The following TBC1D5 variants were observed in gnomAD, a reference collection of about 807,000 sequenced individuals.
TBC1D5 encodes TBC1 domain family, member 5.
In TBC1D5, 75 loss-of-function variants were observed where a neutral mutation model predicts 100.3. The observed-to-expected ratio is 0.75, with a 90% CI of 0.62 to 0.91. The LOEUF (loss-of-function observed/expected upper bound fraction) is 0.91. Ranked by LOEUF, TBC1D5 falls within the 40% of genes least tolerant of loss-of-function variation. The probability of loss-of-function intolerance (pLI) is 0.00; values close to 1 mark genes in which losing one functional copy is unlikely to be tolerated. For synonymous variants in TBC1D5, 323 were observed against 325.6 expected (o/e 0.99, Z 0.09); for missense variants, 910 against 942.4 (o/e 0.97, Z 0.45).
chr3:17,456,231 T>C (rs1175406771), intron 3 of TBC1D5, among the ~76,000 whole-genome samples: 1 of 152,156 alleles, frequency 6.6e-6, no homozygotes, highest in East Asian at 1.9e-4. Context: ...TCCAGGACAT[T>C]GGTCTGGGCA....
At chr3:17,601,349 A>G (rs2060927207) in intron 2 of TBC1D5, among the ~76,000 whole-genome samples, 1 of 152,040 alleles carries the variant, frequency 6.6e-6, no homozygotes, top group Non-Finnish European at 1.5e-5. Context: ...CGTCTCTACT[A>G]AAAAATACAA....
rs1230506604 is a variant in TBC1D5 at position 17,704,510 on chromosome 3, G to A, written c.-101+34833C>T. On this transcript the variant is annotated intron_variant, in intron 1 of 21. Coordinates refer to ENST00000253692, the Ensembl canonical transcript of TBC1D5. Reference sequence around the variant, plus strand: ...CCAGTAGGGGCGGCCGGGCAGAGGCGCCCCTCACCTCCCGGACGGGGCGGC... The same window carrying A: ...CCAGTAGGGGCGGCCGGGCAGAGGCACCCCTCACCTCCCGGACGGGGCGGC... 2.9e-3 allele frequency among the ~76,000 whole-genome samples: 322 copies of A among 110,668 alleles called. 2 individuals are homozygous for A. Among genetic ancestry groups the A allele is most frequent in the African/African-American group, 0.01 (311 of 30,520 alleles). The allele number at this position is 110,668 out of a possible 152,430, so 72.6% of individuals were successfully genotyped here.
chr3:17,703,155 C>A (rs1380852024), intron 1 of TBC1D5, among the ~76,000 whole-genome samples: 2 of 151,996 alleles, frequency 1.3e-5, no homozygotes, highest in Non-Finnish European at 2.9e-5. Context: ...GTTGCCCACA[C>A]CAAATTTAAC....
intron 2 of TBC1D5, among the ~76,000 whole-genome samples, chr3:17,592,714 T>A (rs2060309532): frequency 6.6e-6 from 1 of 152,202 alleles, no homozygotes; most frequent in South Asian, 2.1e-4. Flanking sequence ...ACCCAGCAGA[T>A]CCAGTGGTCC....
chr3:17,676,562 A>T (rs914298095), intron 1 of TBC1D5, among the ~76,000 whole-genome samples: 3 of 152,222 alleles, frequency 2.0e-5, no homozygotes, highest in Non-Finnish European at 4.4e-5. Context: ...ATATCGTGAA[A>T]ATGGCCATAC....
intron 15 of TBC1D5, among the ~76,000 whole-genome samples, chr3:17,289,217 C>G (rs909952191): frequency 2.0e-5 from 3 of 152,172 alleles, no homozygotes; most frequent in Admixed American, 1.3e-4. Context: ...TGCCCATGCA[C>G]CCCCTCCCAT....
In TBC1D5 at chr3:17,484,046, A is replaced by ATAC. The variant is rs1215516811; in HGVS notation, c.97+24425_97+24427dup. Among the ~76,000 whole-genome samples the ATAC allele has an allele frequency of 3.3e-5, 5 of 152,294 alleles. No individual in the cohort carries two copies. The East Asian group carries it at 9.7e-4, about 29-fold the overall frequency. ...GAGAAAGTGGCCTCATTAGGTAAAG[A>ATAC]TACTACCTATACCACCACTCACTGG... is the stretch of plus-strand genomic sequence containing the variant. On this transcript the variant is annotated intron_variant, in intron 3 of 21. Transcript: ENST00000253692.
rs762727520 is a variant in TBC1D5, at chr3:17,467,723, AAAT to A, written c.98-39207_98-39205del. 6.6e-5 allele frequency among the ~76,000 whole-genome samples: 10 copies of A among 151,600 alleles called. No homozygotes were observed. In the South Asian group the frequency reaches 1.7e-3, roughly 25 times the overall value. Reference sequence around the variant, plus strand: ...AACCCCATCTCTACTAAAAATACAAAAATAATAATAATAATAATAATAAAATAA... The same window carrying A: ...AACCCCATCTCTACTAAAAATACAAAAATAATAATAATAATAATAAAATAA... On this transcript the variant is annotated intron_variant, in intron 3 of 21. Transcript: ENST00000253692.
intron 18 of TBC1D5, among the ~76,000 whole-genome samples, chr3:17,200,790 TG>T (rs2071369962): frequency 6.6e-6 from 1 of 152,226 alleles, no homozygotes; most frequent in Non-Finnish European, 1.5e-5. Flanking sequence ...TTTTTTCAGA[TG>T]TTTTAAAAAA....
In TBC1D5 at chr3:17,427,578, C is replaced by A. The variant is rs2094362097; in HGVS notation, c.167+872G>T. Among the ~76,000 whole-genome samples the A allele has an allele frequency of 2.0e-5, 3 of 152,038 alleles. No individual in the cohort carries two copies. In the South Asian group the frequency reaches 6.2e-4, roughly 32 times the overall value. ...ATATTAAAATTAGTTCTCAAGTACA[C>A]AGTGGTTCTTGCATATATTTTATAG... On this transcript the variant is annotated intron_variant, in intron 4 of 21. Transcript: ENST00000253692.
At chr3:17,596,912 C>T (rs1227645277) in intron 2 of TBC1D5, among the ~76,000 whole-genome samples, 1 of 151,930 alleles carries the variant, frequency 6.6e-6, no homozygotes, top group African/African-American at 2.4e-5. Flanking sequence ...ACTGATGACC[C>T]GACAGCTCCC....
At chr3:17,323,560 T>C (rs2085706142) in intron 13 of TBC1D5, among the ~76,000 whole-genome samples, 1 of 151,788 alleles carries the variant, frequency 6.6e-6, no homozygotes. Context: ...AACAAATAAC[T>C]AGAAATTGAA....
At chr3:17,336,307 C>T (rs776159785) in intron 13 of TBC1D5, among the ~76,000 whole-genome samples, 6 of 152,048 alleles carry the variant, frequency 3.9e-5, no homozygotes, top group Non-Finnish European at 8.8e-5. Context: ...TGGAAAGCTG[C>T]ATGTTTCTCC....
In TBC1D5 at chr3:17,554,858, C is replaced by CT. The variant is rs977663772; in HGVS notation, c.-35-46254dup. ...TTTAATATCTGTGCTTTTTTTTTTT[C>CT]TTTTTTTTTGGAGACAGAGTCTCAC... On this transcript the variant is annotated intron_variant, in intron 2 of 21. Transcript: ENST00000253692. 5.0e-3 allele frequency among the ~76,000 whole-genome samples: 676 copies of CT among 135,888 alleles called. 4 individuals are homozygous for CT. Among genetic ancestry groups the CT allele is most frequent in the African/African-American group, 0.015 (550 of 37,366 alleles). 89.1% of individuals were successfully genotyped at this position (135,888 alleles called of 152,430 possible).
chr3:17,317,582 C>G (rs1313269615), intron 13 of TBC1D5, among the ~76,000 whole-genome samples: 12 of 152,158 alleles, frequency 7.9e-5, no homozygotes, highest in Admixed American at 7.9e-4. Flanking sequence ...AATGCCCATA[C>G]AACTTTACAA....
intron 13 of TBC1D5, among the ~76,000 whole-genome samples, chr3:17,336,879 G>A (rs186484060): frequency 6.6e-6 from 1 of 152,184 alleles, no homozygotes; most frequent in Non-Finnish European, 1.5e-5. Context: ...GACAAATGAT[G>A]TGCAATGCAT....
At chr3:17,251,420 C>T (rs1385336170) in intron 16 of TBC1D5, among the ~76,000 whole-genome samples, 1 of 72,448 alleles carries the variant, frequency 1.4e-5, no homozygotes, top group Non-Finnish European at 2.5e-5. Context: ...TATATACTCA[C>T]GGGAACCCCC....
At chr3:17,698,551 A>T (rs1325083980) in intron 1 of TBC1D5, among the ~76,000 whole-genome samples, 7 of 151,188 alleles carry the variant, frequency 4.6e-5, no homozygotes, top group Admixed American at 1.3e-4. Flanking sequence ...ATGGGATCTA[A>T]TTAAACTAAA....
intron 2 of TBC1D5, among the ~76,000 whole-genome samples, chr3:17,553,690 T>C (rs907061427): frequency 5.9e-5 from 9 of 152,328 alleles, no homozygotes; most frequent in Middle Eastern, 3.4e-3. Flanking sequence ...CCATCAGAAA[T>C]AGTAACTTAT....
Sources: gnomAD v4.1 joint callset for allele counts (sites outside exome capture counted in the v4.1 genomes callset) on GRCh38, gnomAD v4.1.1 for gene constraint, MANE v1.5 for transcripts, NCBI Gene and HGNC (gene_info 2026-07-23, HGNC 2026-07-21) for gene names.